Variants in KHDC1 observed in about 807,000 individuals in gnomAD.
KHDC1 encodes KH homology domain-containing protein 1.
KHDC1 carries 21 observed loss-of-function variants against 24.7 expected under a neutral mutation model. The ratio of observed to expected loss-of-function variants is 0.85; its 90% CI spans 0.60 to 1.23. The LOEUF (loss-of-function observed/expected upper bound fraction) is 1.23, where lower values mean the gene tolerates loss of function less well. Ranked by LOEUF, KHDC1 falls within the 50% of genes most tolerant of loss-of-function variation. The pLI, the probability that KHDC1 is intolerant of heterozygous loss-of-function variation, is 0.00. For synonymous variants in KHDC1, 98 were observed against 111.7 expected (o/e 0.88, Z 0.77); for missense variants, 274 against 298.5 (o/e 0.92, Z 0.61).
intron 2 of KHDC1, among the ~76,000 whole-genome samples, chr6:73,281,378 C>T (rs1037815760): frequency 8.6e-5 from 13 of 150,436 alleles, no homozygotes; most frequent in African/African-American, 2.9e-4. Context: ...GTGGGTCACA[C>T]CTGTAATCCC....
intron 2 of KHDC1, among the ~76,000 whole-genome samples, chr6:73,256,027 G>C (rs1582557159): frequency 6.6e-6 from 1 of 152,020 alleles, no homozygotes; most frequent in East Asian, 1.9e-4. Context: ...TGGTACCTTA[G>C]ACAATCATGA....
At chr6:73,296,454 A>C (rs1292642976) in intron 1 of KHDC1, among the ~76,000 whole-genome samples, 1 of 152,166 alleles carries the variant, frequency 6.6e-6, no homozygotes, top group East Asian at 1.9e-4. Flanking sequence ...CTCCATCAAA[A>C]AAAAATTAAA....
intron 2 of KHDC1, among the ~76,000 whole-genome samples, chr6:73,246,964 AT>A (rs1170138404): frequency 2.6e-5 from 4 of 151,876 alleles, no homozygotes; most frequent in South Asian, 4.2e-4. Flanking sequence ...AAAAAAAAAA[AT>A]AAGTCAACTT....
intron 2 of KHDC1, among the ~76,000 whole-genome samples, chr6:73,249,234 T>C (rs1267811692): frequency 1.3e-5 from 2 of 151,980 alleles, no homozygotes; most frequent in Non-Finnish European, 2.9e-5. Context: ...TGTGCTATGA[T>C]CATGCCATTG....
chr6:73,306,882 G>A (rs1460043617), intron 1 of KHDC1, among the ~76,000 whole-genome samples: 3 of 152,058 alleles, frequency 2.0e-5, no homozygotes, highest in East Asian at 3.9e-4. Context: ...GGTGGCGCAC[G>A]CCTGTAGTCC....
intron 2 of KHDC1, among the ~76,000 whole-genome samples, chr6:73,249,865 T>A (rs1489792250): frequency 2.0e-5 from 3 of 152,162 alleles, no homozygotes; most frequent in Non-Finnish European, 2.9e-5. Context: ...TCCTCCCGAC[T>A]CAGCCTCCCA....
exon 5 of KHDC1, chr6:73,241,610 G>A (rs190629651): frequency 5.3e-5 from 86 of 1,614,120 alleles, no homozygotes; most frequent in South Asian, 1.4e-4. Flanking sequence ...TAAGACACAC[G>A]GTTCCACTTA....
At chr6:73,247,964 A>C (rs914039780) in intron 2 of KHDC1, among the ~76,000 whole-genome samples, 1 of 151,988 alleles carries the variant, frequency 6.6e-6, no homozygotes, top group Non-Finnish European at 1.5e-5. Context: ...AGCAGGGTGC[A>C]GCAAGCTAGG....
chr6:73,305,715 A>G (rs1211519593), intron 1 of KHDC1, among the ~76,000 whole-genome samples: 1 of 152,236 alleles, frequency 6.6e-6, no homozygotes, highest in East Asian at 1.9e-4. Context: ...GCTGGAGTGC[A>G]GTGGCACGAT....
At chr6:73,259,310 C>T (rs1389190102) in intron 2 of KHDC1, among the ~76,000 whole-genome samples, 20 of 73,904 alleles carry the variant, frequency 2.7e-4, no homozygotes, top group South Asian at 3.9e-4. Flanking sequence ...TTTTTTGAGA[C>T]GGAGTCTCGC....
intron 2 of KHDC1, 131 bp downstream of exon 1, chr6:73,262,638 TTTTAA>T (rs1178401920): frequency 1.8e-5 from 12 of 653,436 alleles, no homozygotes; most frequent in Non-Finnish European, 2.3e-5. Flanking sequence ...ACACGATCTG[TTTTAA>T]TTTTTCTCTT....
chr6:73,279,742 G>A (rs1285708475), intron 2 of KHDC1, among the ~76,000 whole-genome samples: 1 of 151,884 alleles, frequency 6.6e-6, no homozygotes, highest in African/African-American at 2.4e-5. Flanking sequence ...ACCACACCCA[G>A]CTAATGTTTA....
chr6:73,296,490 T>A (rs988933240), intron 1 of KHDC1, among the ~76,000 whole-genome samples: 1 of 152,132 alleles, frequency 6.6e-6, no homozygotes, highest in East Asian at 1.9e-4. Flanking sequence ...ATCTAATGTA[T>A]CAGATATCCT....
chr6:73,257,150 G>A (rs1335425283), intron 2 of KHDC1, among the ~76,000 whole-genome samples: 3 of 152,110 alleles, frequency 2.0e-5, no homozygotes, highest in African/African-American at 4.8e-5. Context: ...AAAATTAGCT[G>A]GGCATGGTGG....
At chr6:73,253,422 A>G (rs1766818387) in intron 2 of KHDC1, among the ~76,000 whole-genome samples, 2 of 151,864 alleles carry the variant, frequency 1.3e-5, no homozygotes, top group South Asian at 2.1e-4. Flanking sequence ...GTGTGGTGGC[A>G]GGCGCCTGTA....
At position 73,285,309 on chromosome 6, in the gene KHDC1, C is replaced by G. The variant is rs182946400; in HGVS notation, c.206+6689G>C. ...GACTCTGCTGATTTGGCCTCTATGC[C>G]TTATTCATGCTTATCATGACTCTTC... On this transcript the variant is annotated intron_variant, in intron 2 of 4. Transcript: ENST00000370384. 2.7e-3 allele frequency among the ~76,000 whole-genome samples: 406 copies of G among 151,922 alleles called. 1 individual carries two copies. The highest frequency in any genetic ancestry group is 6.8e-3 in the Middle Eastern group (2 of 294).
chr6:73,242,530 C>T lies in KHDC1; in HGVS notation c.207G>A (p.Arg69=), dbSNP rs1259702142. The change falls in exon 3 of 5, where the codon AGG becomes AGA. Residue 69 remains arginine, a splice_region_variant and synonymous_variant. Transcript: ENST00000370384. ...TTCCCATGTCCATGCTCTGCTCCGA[C>T]CTGATACAGAATAGGGCCAAGTCCA... 5.6e-6 allele frequency: 9 copies of T among 1,614,064 alleles called. No individual in the cohort carries two copies. In the South Asian group the frequency reaches 9.9e-5, roughly 18 times the overall value.
intron 1 of KHDC1, among the ~76,000 whole-genome samples, chr6:73,296,955 C>T (rs1045596849): frequency 1.3e-5 from 2 of 152,096 alleles, no homozygotes; most frequent in Non-Finnish European, 2.9e-5. Context: ...AGGCAGAGTG[C>T]GGCAGTGCGA....
chr6:73,247,198 G>A (rs182980063), intron 2 of KHDC1, among the ~76,000 whole-genome samples: 23 of 151,876 alleles, frequency 1.5e-4, no homozygotes, highest in African/African-American at 5.1e-4. Flanking sequence ...GGCTGGTCTC[G>A]AACTCCTGAC....
Sources: gnomAD v4.1 joint callset for allele counts (sites outside exome capture counted in the v4.1 genomes callset) on GRCh38, gnomAD v4.1.1 for gene constraint, MANE v1.5 for transcripts, NCBI Gene and HGNC (gene_info 2026-07-23, HGNC 2026-07-21) for gene names.